Variants in TCERG1L observed in about 807,000 individuals in gnomAD.
TCERG1L encodes the protein transcription elongation regulator 1-like protein.
A neutral mutation model predicts 56.3 loss-of-function variants in TCERG1L; 37 were observed. The ratio of observed to expected loss-of-function variants is 0.66; its 90% CI spans 0.51 to 0.87. TCERG1L has a LOEUF of 0.87. TCERG1L is among the 40% of genes least tolerant of loss of function. The pLI, the probability that TCERG1L is intolerant of heterozygous loss-of-function variation, is 0.00. For synonymous variants in TCERG1L, 324 were observed against 326.3 expected, an observed-to-expected ratio of 0.99 and a Z score of 0.08; for missense variants, 799 against 774.2, an observed-to-expected ratio of 1.03 and a Z score of -0.38.
At chr10:131,144,464 G>T (rs150860312) in intron 7 of TCERG1L, among the ~76,000 whole-genome samples, 1 of 152,016 alleles carries the variant, frequency 6.6e-6, no homozygotes, top group Non-Finnish European at 1.5e-5. Context: ...TAATTGTGTC[G>T]CTGCGAAGCT....
chr10:131,250,292 A>T (rs1846093499), intron 4 of TCERG1L, among the ~76,000 whole-genome samples: 1 of 143,492 alleles, frequency 7.0e-6, no homozygotes, highest in Non-Finnish European at 1.5e-5. Context: ...TTCCTGCGAG[A>T]TGAGGACTCA....
intron 11 of TCERG1L, among the ~76,000 whole-genome samples, chr10:131,096,937 C>T (rs1334730862): frequency 3.3e-5 from 5 of 150,418 alleles, no homozygotes; most frequent in Admixed American, 6.6e-5. Context: ...TGGTGTCTCA[C>T]GCCTGTAATC....
chr10:131,141,482 G>A lies in TCERG1L; in HGVS notation c.1189+5024C>T, dbSNP rs573891700. ...TCTTCCCCAACCCACAAGGCATAGC[G>A]CTCCCTGCCCAACATCTGCTCATCT... On this transcript the variant is annotated intron_variant, in intron 7 of 11. Transcript: ENST00000368642. Among the ~76,000 whole-genome samples, 6 of 152,222 alleles carry A rather than the reference G, an allele frequency of 3.9e-5. No individual in the cohort carries two copies. The South Asian group carries it at 6.2e-4, about 16-fold the overall frequency.
At position 131,285,465 on chromosome 10, in the gene TCERG1L, G is replaced by GAAGAAAGA. The variant is rs1212795487; in HGVS notation, c.670+22738_670+22745dup. Among the ~76,000 whole-genome samples the GAAGAAAGA allele has an allele frequency of 9.5e-4, 99 of 103,986 alleles. 3 individuals are homozygous for GAAGAAAGA. Among genetic ancestry groups the GAAGAAAGA allele is most frequent in the African/African-American group, 3.8e-3 (94 of 25,052 alleles). 68.2% of individuals were successfully genotyped at this position (103,986 alleles called of 152,430 possible). On this transcript the variant is annotated intron_variant, in intron 3 of 11. Coordinates refer to ENST00000368642, the MANE Select transcript of TCERG1L (RefSeq NM_174937.4). ...AGAAACAAAGAAAGAGAGAGAAAGG[G>GAAGAAAGA]AAGAAAGAAAGAAAGAAAGAAAGAA...
chr10:131,265,684 A>G (rs1336982061), intron 3 of TCERG1L, among the ~76,000 whole-genome samples: 1 of 152,242 alleles, frequency 6.6e-6, no homozygotes, highest in Non-Finnish European at 1.5e-5. Flanking sequence ...AGTCTGTTAA[A>G]TGTGCAATAG....
chr10:131,303,746 T>C (rs1846792582), intron 3 of TCERG1L, among the ~76,000 whole-genome samples: 1 of 152,106 alleles, frequency 6.6e-6, no homozygotes, highest in African/African-American at 2.4e-5. Context: ...GTTCTTCTCT[T>C]CAATGATTTT....
chr10:131,180,192 G>A (rs1166128692), intron 4 of TCERG1L, among the ~76,000 whole-genome samples: 1 of 152,170 alleles, frequency 6.6e-6, no homozygotes, highest in African/African-American at 2.4e-5. Context: ...GGATAAAGAA[G>A]AATCTATATG....
intron 3 of TCERG1L, among the ~76,000 whole-genome samples, chr10:131,290,221 G>A (rs1218847093): frequency 6.8e-6 from 1 of 147,850 alleles, no homozygotes; most frequent in Non-Finnish European, 1.5e-5. Context: ...TCTCCTATCG[G>A]TGTGTGTGAG....
chr10:131,146,424 A>G lies in TCERG1L; in HGVS notation c.1189+82T>C. 5.1e-6 allele frequency: 7 copies of G among 1,377,446 alleles called. No individual in the cohort carries two copies. In the South Asian group the frequency reaches 1.4e-4, roughly 27 times the overall value. 85.3% of individuals were successfully genotyped at this position (1,377,446 alleles called of 1,614,324 possible). A position where few individuals can be genotyped will look rare whatever the true frequency, so the allele number is the denominator to read the frequency against. On this transcript the variant is annotated intron_variant, in intron 7 of 11. Coordinates refer to ENST00000368642, the MANE Select transcript of TCERG1L (RefSeq NM_174937.4). Reference sequence around the variant, plus strand: ...TCAATTTTCAACATAACCAAGAAGAAACATGCTTTCACTTTACGTTCATTA... The same window carrying G: ...TCAATTTTCAACATAACCAAGAAGAGACATGCTTTCACTTTACGTTCATTA...
At chr10:131,178,094 G>A (rs758855137) in intron 4 of TCERG1L, among the ~76,000 whole-genome samples, 17 of 152,072 alleles carry the variant, frequency 1.1e-4, no homozygotes, top group Non-Finnish European at 1.6e-4. Context: ...CGCACTGGGC[G>A]TCAGCCAAGG....
chr10:131,198,317 G>T (rs567542236), intron 4 of TCERG1L, among the ~76,000 whole-genome samples: 3 of 152,362 alleles, frequency 2.0e-5, no homozygotes, highest in African/African-American at 7.2e-5. Context: ...TCCCAGACTG[G>T]CTTCTGGCTC....
At chr10:131,294,141 A>T (rs1371092708) in intron 3 of TCERG1L, among the ~76,000 whole-genome samples, 1 of 152,182 alleles carries the variant, frequency 6.6e-6, no homozygotes, top group Non-Finnish European at 1.5e-5. Flanking sequence ...GTGGGAAGAA[A>T]AAAAACAAAG....
At position 131,172,980 on chromosome 10, in the gene TCERG1L, T is replaced by G. The variant is rs557049199; in HGVS notation, c.857-6095A>C. 9.9e-5 allele frequency among the ~76,000 whole-genome samples: 15 copies of G among 150,808 alleles called. No homozygotes were observed. The East Asian group carries it at 2.2e-3, about 22-fold the overall frequency. ...ATCTTGGCTCACTGCAACTTCTGCC[T>G]CCTGGGTTCAATTGATTATCTTGCC... On this transcript the variant is annotated intron_variant, in intron 4 of 11. Transcript: ENST00000368642.
chr10:131,181,981 T>C (rs1268301798), intron 4 of TCERG1L, among the ~76,000 whole-genome samples: 1 of 152,200 alleles, frequency 6.6e-6, no homozygotes, highest in African/African-American at 2.4e-5. Flanking sequence ...TCAACAGCAA[T>C]GTATCTGTGT....
chr10:131,145,871 G>A (rs1430698794), intron 7 of TCERG1L, among the ~76,000 whole-genome samples: 1 of 152,210 alleles, frequency 6.6e-6, no homozygotes, highest in African/African-American at 2.4e-5. Flanking sequence ...CTTTCCCCAC[G>A]CAGCAGCTAA....
intron 10 of TCERG1L, 48 bp downstream of exon 10, chr10:131,104,217 G>A (rs368169083): frequency 2.9e-5 from 38 of 1,304,900 alleles, no homozygotes; most frequent in African/African-American, 2.2e-4. Context: ...TGCAACAGTC[G>A]CTTTCATGCC....
chr10:131,123,177 C>G (rs912844174), intron 8 of TCERG1L, among the ~76,000 whole-genome samples: 1 of 152,182 alleles, frequency 6.6e-6, no homozygotes, highest in Non-Finnish European at 1.5e-5. Flanking sequence ...CTGCTCCAAA[C>G]CCCAGGATCC....
At chr10:131,302,232 T>C (rs1246288055) in intron 3 of TCERG1L, among the ~76,000 whole-genome samples, 2 of 152,236 alleles carry the variant, frequency 1.3e-5, no homozygotes, top group East Asian at 3.9e-4. Flanking sequence ...TTCTGTGTTC[T>C]TTTAAGTAGT....
chr10:131,115,126 C>T (rs1031367581), intron 9 of TCERG1L, among the ~76,000 whole-genome samples: 6 of 152,374 alleles, frequency 3.9e-5, no homozygotes, highest in South Asian at 4.1e-4. Context: ...AAGACACTGC[C>T]GCCAGGGCAT....
Sources: allele counts gnomAD v4.1 joint callset (sites outside exome capture counted in the v4.1 genomes callset), GRCh38; gene constraint gnomAD v4.1.1; transcripts MANE v1.5; gene names NCBI Gene and HGNC (gene_info 2026-07-23, HGNC 2026-07-21).